The following CYRIB variants were observed in gnomAD, a reference collection of about 807,000 sequenced individuals.
CYRIB encodes CYFIP related Rac1 interactor B.
CYRIB carries 8 observed loss-of-function variants against 44.2 expected under a neutral mutation model. The observed-to-expected ratio is 0.18, with a 90% CI of 0.11 to 0.33. CYRIB has a LOEUF of 0.33. Among genes scored for constraint, CYRIB ranks in the 10% least tolerant of loss-of-function variants. The pLI, the probability that CYRIB is intolerant of heterozygous loss-of-function variation, is 1.00. For missense variants in CYRIB, 185 were observed against 382.8 expected, an observed-to-expected ratio of 0.48 and a Z score of 4.31; for synonymous variants, 131 against 127.2, an observed-to-expected ratio of 1.03 and a Z score of -0.20.
chr8:130,004,296 G>A (rs1246052276), intron 1 of CYRIB, among the ~76,000 whole-genome samples: 1 of 152,038 alleles, frequency 6.6e-6, no homozygotes, highest in African/African-American at 2.4e-5. Context: ...TAGAGACAGG[G>A]GTCTCCCTAT....
At chr8:129,985,159 C>T (rs2096405860) in intron 1 of CYRIB, among the ~76,000 whole-genome samples, 2 of 152,200 alleles carry the variant, frequency 1.3e-5, no homozygotes, top group Non-Finnish European at 2.9e-5. Context: ...TTCTTAACCT[C>T]TCTGGGCTCA....
At chr8:129,969,015 C>CCTTTTTTTTTTT (rs1483831431) in intron 2 of CYRIB, among the ~76,000 whole-genome samples, 1 of 76,866 alleles carries the variant, frequency 1.3e-5, no homozygotes, top group Non-Finnish European at 2.3e-5. Context: ...ATTTGTCCTC[C>CCTTTTTTTTTTT]TTTTTTTTTT....
chr8:129,978,862 G>A (rs2096076257), intron 1 of CYRIB, among the ~76,000 whole-genome samples: 1 of 152,178 alleles, frequency 6.6e-6, no homozygotes. Context: ...TTGGCCGGGT[G>A]CGGTGGCTCA....
At chr8:129,949,608 C>CT (rs1198736733) in intron 2 of CYRIB, among the ~76,000 whole-genome samples, 1 of 152,130 alleles carries the variant, frequency 6.6e-6, no homozygotes, top group African/African-American at 2.4e-5. Context: ...TGGCTCATGC[C>CT]TGTAATCCCA....
At chr8:129,880,392 A>G (rs1370868319) in intron 2 of CYRIB, 1 of 985,760 alleles carries the variant, frequency 1.0e-6, no homozygotes, top group East Asian at 1.1e-4. Flanking sequence ...AGTCCAAGAA[A>G]AAATGTGCTG....
At chr8:129,946,462 T>C (rs1267180661) in intron 2 of CYRIB, among the ~76,000 whole-genome samples, 3 of 152,164 alleles carry the variant, frequency 2.0e-5, no homozygotes, top group African/African-American at 7.2e-5. Flanking sequence ...AGTGTTGCCT[T>C]AGGGATGAGG....
intron 1 of CYRIB, among the ~76,000 whole-genome samples, chr8:130,001,510 C>T (rs903177818): frequency 1.3e-5 from 2 of 151,582 alleles, no homozygotes; most frequent in Non-Finnish European, 2.9e-5. Context: ...TCTTACCTTT[C>T]CCTGAAAATA....
chr8:129,847,623 G>A (rs954501759), intron 10 of CYRIB, among the ~76,000 whole-genome samples: 4 of 152,216 alleles, frequency 2.6e-5, no homozygotes, highest in African/African-American at 9.6e-5. Context: ...CTGAAAGCCA[G>A]GATGAGTTAT....
chr8:129,959,179 T>A (rs1426062385), intron 2 of CYRIB, among the ~76,000 whole-genome samples: 1 of 150,640 alleles, frequency 6.6e-6, no homozygotes, highest in Admixed American at 6.6e-5. Flanking sequence ...ATTCAACAAA[T>A]CTTTTTAGGT....
At chr8:129,923,165 C>G (rs1048883102) in intron 1 of CYRIB, among the ~76,000 whole-genome samples, 3 of 150,242 alleles carry the variant, frequency 2.0e-5, no homozygotes, top group Non-Finnish European at 4.4e-5. Context: ...ATCGCTTGAA[C>G]CTGGGAGGCA....
At chr8:129,884,266 AT>A (rs1218814285) in intron 2 of CYRIB, among the ~76,000 whole-genome samples, 1 of 152,174 alleles carries the variant, frequency 6.6e-6, no homozygotes, top group Non-Finnish European at 1.5e-5. Flanking sequence ...GAATAAATAC[AT>A]TTGATATGAA....
At chr8:129,858,409 C>G (rs1228063445) in intron 5 of CYRIB, among the ~76,000 whole-genome samples, 1 of 152,072 alleles carries the variant, frequency 6.6e-6, no homozygotes, top group African/African-American at 2.4e-5. Flanking sequence ...AAGGAGGTTG[C>G]AAGGAAAAGA....
Position 129,962,290 on chromosome 8 carries a change from G to GA in CYRIB, c.-243+8652dup, listed in dbSNP as rs555736682. Among the ~76,000 whole-genome samples, 19 of 151,550 alleles carry GA rather than the reference G, an allele frequency of 1.3e-4. No individual in the cohort carries two copies. In the South Asian group the frequency reaches 3.4e-3, roughly 27 times the overall value. Reference sequence around the variant, plus strand: ...AACAAAAGAAAGAAGGACAGAAAAAGAAAAAAAATTAGCTAGGTGTGATGT... The same window carrying GA: ...AACAAAAGAAAGAAGGACAGAAAAAGAAAAAAAAATTAGCTAGGTGTGATGT... On this transcript the variant is annotated intron_variant, in intron 2 of 14. Transcript: ENST00000401979.
rs374255443 is a variant in CYRIB at position 129,855,608 on chromosome 8, T to C, written c.438+3A>G. ...AACAATCAGGGCCAATAGATAATTC[T>C]ACCTTGAGTTCATCAAACCGGAGTG... On this transcript the variant is annotated splice_donor_region_variant and intron_variant, in intron 6 of 11. Coordinates refer to ENST00000519824, the Ensembl canonical transcript of CYRIB. The C allele has an allele frequency of 3.3e-5, 54 of 1,613,908 alleles. No individual in the cohort carries two copies. Among genetic ancestry groups the C allele is most frequent in the Admixed American group, 2.0e-4 (12 of 59,968 alleles).
At chr8:129,844,087 G>A (rs901634157) in intron 11 of CYRIB, 2 of 152,154 alleles carry the variant, frequency 1.3e-5, no homozygotes, top group African/African-American at 2.4e-5. Flanking sequence ...CAGATGTCTC[G>A]TAGTTCTCAA....
chr8:129,842,408 G>C (rs571983736), intron 11 of CYRIB, among the ~76,000 whole-genome samples: 42 of 152,274 alleles, frequency 2.8e-4, no homozygotes, highest in African/African-American at 9.6e-4. Flanking sequence ...TAGCTATTTA[G>C]CAGCTATTTA....
At chr8:130,009,070 A>G (rs1359754104) in intron 1 of CYRIB, among the ~76,000 whole-genome samples, 2 of 152,232 alleles carry the variant, frequency 1.3e-5, no homozygotes, top group Non-Finnish European at 2.9e-5. Flanking sequence ...CAAGCTGGAA[A>G]ACAGACACTG....
At chr8:130,012,845 T>C (rs1265409919) in intron 1 of CYRIB, among the ~76,000 whole-genome samples, 2 of 152,300 alleles carry the variant, frequency 1.3e-5, no homozygotes, top group East Asian at 3.9e-4. Flanking sequence ...GTGAGGCCAA[T>C]CACCCATTTT....
intron 2 of CYRIB, chr8:129,901,620 G>A (rs568068337): frequency 6.6e-6 from 1 of 152,306 alleles, no homozygotes; most frequent in South Asian, 2.1e-4. Context: ...TTAATATGGG[G>A]AGTCCATAGA....
Sources: gnomAD v4.1 joint callset for allele counts (sites outside exome capture counted in the v4.1 genomes callset) on GRCh38, gnomAD v4.1.1 for gene constraint, MANE v1.5 for transcripts, NCBI Gene and HGNC (gene_info 2026-07-23, HGNC 2026-07-21) for gene names.